The following ANKRD31 variants were observed in gnomAD, a reference collection of about 807,000 sequenced individuals.
ANKRD31 encodes the protein ankyrin repeat domain 31.
A neutral mutation model predicts 186.0 loss-of-function variants in ANKRD31; 147 were observed. The ratio of observed to expected loss-of-function variants is 0.79; its 90% CI spans 0.69 to 0.91. The LOEUF (loss-of-function observed/expected upper bound fraction) is 0.91, where lower values mean the gene tolerates loss of function less well. Among genes scored for constraint, ANKRD31 ranks in the 40% least tolerant of loss-of-function variants. The pLI, the probability that ANKRD31 is intolerant of heterozygous loss-of-function variation, is 0.00. For synonymous variants in ANKRD31, 673 were observed against 736.4 expected, an observed-to-expected ratio of 0.91 and a Z score of 1.39; for missense variants, 1,986 against 2,148.8, an observed-to-expected ratio of 0.92 and a Z score of 1.50.
intron 15 of ANKRD31, among the ~76,000 whole-genome samples, chr5:75,140,136 G>A (rs1175892307): frequency 6.6e-6 from 1 of 151,750 alleles, no homozygotes; most frequent in African/African-American, 2.4e-5. Flanking sequence ...CCTGGAAGGT[G>A]GAGGTTGCCC....
chr5:75,173,185 C>T (rs1179976699), intron 10 of ANKRD31, among the ~76,000 whole-genome samples: 1 of 152,130 alleles, frequency 6.6e-6, no homozygotes, highest in African/African-American at 2.4e-5. Flanking sequence ...AAAAATTCAA[C>T]AGCCCTTCAT....
intron 2 of ANKRD31, among the ~76,000 whole-genome samples, chr5:75,226,006 C>A (rs542628446): frequency 5.3e-5 from 8 of 152,310 alleles, no homozygotes; most frequent in African/African-American, 1.9e-4. Flanking sequence ...TAAGTGAACA[C>A]TGGCAGTAGC....
intron 23 of ANKRD31, among the ~76,000 whole-genome samples, 188 bp downstream of exon 23, chr5:75,091,073 G>A (rs770268253): frequency 1.9e-4 from 29 of 152,176 alleles, no homozygotes; most frequent in Non-Finnish European, 1.5e-4. Context: ...GGACTTGTGG[G>A]AGAAAGTGAT....
chr5:75,101,875 C>A (rs1746918425), intron 22 of ANKRD31, among the ~76,000 whole-genome samples: 1 of 152,196 alleles, frequency 6.6e-6, no homozygotes, highest in Non-Finnish European at 1.5e-5. Context: ...GTTCGAACAT[C>A]CTCCTTTAGC....
chr5:75,102,518 C>T (rs1373159139), intron 22 of ANKRD31, among the ~76,000 whole-genome samples: 1 of 152,234 alleles, frequency 6.6e-6, no homozygotes, highest in African/African-American at 2.4e-5. Context: ...CAGCTATGCC[C>T]TGCCCCCAGA....
At chr5:75,157,564 G>T (rs1181562569) in intron 11 of ANKRD31, among the ~76,000 whole-genome samples, 2 of 152,192 alleles carry the variant, frequency 1.3e-5, no homozygotes, top group Non-Finnish European at 2.9e-5. Context: ...AAGGCCAAGG[G>T]CATAGCTGGA....
At chr5:75,174,503 TC>T (rs1354987163) in intron 10 of ANKRD31, among the ~76,000 whole-genome samples, 1 of 152,106 alleles carries the variant, frequency 6.6e-6, no homozygotes, top group Admixed American at 6.6e-5. Context: ...AGGGGTAATA[TC>T]CAGAATCTAC....
At chr5:75,141,866 G>A (rs925136050) in intron 15 of ANKRD31, among the ~76,000 whole-genome samples, 7 of 151,986 alleles carry the variant, frequency 4.6e-5, no homozygotes, top group Non-Finnish European at 8.8e-5. Context: ...TCTTGTTCCT[G>A]GTGTGTTTGT....
chr5:75,113,931 C>G (rs1232960113), intron 19 of ANKRD31, among the ~76,000 whole-genome samples: 2 of 152,142 alleles, frequency 1.3e-5, no homozygotes. Context: ...AAGAAAACAT[C>G]TTTTGGTGCC....
chr5:75,178,248 C>T (rs896390638), intron 10 of ANKRD31, among the ~76,000 whole-genome samples: 2 of 152,174 alleles, frequency 1.3e-5, no homozygotes, highest in Non-Finnish European at 2.9e-5. Flanking sequence ...TCCTTAGTGA[C>T]CTACAAAGAG....
intron 22 of ANKRD31, among the ~76,000 whole-genome samples, chr5:75,097,322 T>C (rs1043397995): frequency 6.6e-5 from 10 of 152,214 alleles, no homozygotes; most frequent in African/African-American, 2.4e-4. Flanking sequence ...CCAGCACCTG[T>C]TGTTTCCTGA....
intron 7 of ANKRD31, among the ~76,000 whole-genome samples, chr5:75,195,411 A>G (rs965100727): frequency 6.6e-6 from 1 of 151,662 alleles, no homozygotes; most frequent in Admixed American, 6.6e-5. Flanking sequence ...GAACTTCTAA[A>G]AAGATCACTC....
chr5:75,105,814 G>T (rs13189797), intron 21 of ANKRD31, among the ~76,000 whole-genome samples: 6,271 of 152,138 alleles, frequency 0.041, 225 homozygotes, highest in Non-Finnish European at 0.062. Flanking sequence ...AGTCCAGAGG[G>T]ACTACCGAGG....
At chr5:75,071,657 G>A (rs762808226) in intron 25 of ANKRD31, among the ~76,000 whole-genome samples, 12 of 151,862 alleles carry the variant, frequency 7.9e-5, no homozygotes, top group African/African-American at 1.7e-4. Context: ...CACCACGCCC[G>A]GCTAATTTTT....
At chr5:75,088,884 T>C (rs1745715810) in intron 23 of ANKRD31, among the ~76,000 whole-genome samples, 1 of 152,232 alleles carries the variant, frequency 6.6e-6, no homozygotes, top group Admixed American at 6.5e-5. Context: ...GAAGGGTCTT[T>C]AGATATCACC....
At chr5:75,184,552 A>AT (rs1754564690) in intron 10 of ANKRD31, among the ~76,000 whole-genome samples, 2 of 152,176 alleles carry the variant, frequency 1.3e-5, no homozygotes, top group Admixed American at 1.3e-4. Flanking sequence ...CAATAGCCAA[A>AT]AAATAATAAT....
intron 17 of ANKRD31, among the ~76,000 whole-genome samples, chr5:75,133,396 A>T (rs1157598006): frequency 6.6e-6 from 1 of 152,222 alleles, no homozygotes; most frequent in Non-Finnish European, 1.5e-5. Context: ...TAAACCAACA[A>T]AGACCAAAAG....
Position 75,215,051 on chromosome 5 carries a change from T to C in ANKRD31, c.289-4186A>G, listed in dbSNP as rs541599155. Among the ~76,000 whole-genome samples the C allele has an allele frequency of 8.5e-5, 13 of 152,292 alleles. No homozygotes were observed. The South Asian group carries it at 2.7e-3, about 32-fold the overall frequency. ...CTCGAGACACAGCCAGCCAATGGTA[T>C]AGTTCCAGTCTAAAGGTCAACAGGC... On this transcript the variant is annotated intron_variant, in intron 3 of 25. Coordinates refer to ENST00000506364, the MANE Select transcript of ANKRD31 (RefSeq NM_001372053.1).
At chr5:75,199,755 T>C (rs962094063) in intron 5 of ANKRD31, 81 bp from the exon 6 acceptor site, 3 of 1,106,832 alleles carry the variant, frequency 2.7e-6, no homozygotes, top group African/African-American at 1.6e-5. Context: ...TTCATAATCA[T>C]ATAACTTAAA....
Sources: allele counts gnomAD v4.1 joint callset (sites outside exome capture counted in the v4.1 genomes callset), GRCh38; gene constraint gnomAD v4.1.1; transcripts MANE v1.5; gene names NCBI Gene and HGNC (gene_info 2026-07-23, HGNC 2026-07-21).